The following COLEC10 variants were observed in gnomAD, a reference collection of about 807,000 sequenced individuals.
COLEC10 encodes the protein collectin-10.
COLEC10 carries 22 observed loss-of-function variants against 28.4 expected under a neutral mutation model. That is an observed-to-expected ratio of 0.78 (90% CI 0.55 to 1.11). COLEC10 has a LOEUF of 1.11. COLEC10 is among the 50% of genes least tolerant of loss of function. The pLI is 0.00. For missense variants in COLEC10, 361 were observed against 344.1 expected, an observed-to-expected ratio of 1.05 and a Z score of -0.39; for synonymous variants, 125 against 116.1, an observed-to-expected ratio of 1.08 and a Z score of -0.49.
In COLEC10 at chr8:119,089,763, G is replaced by T. The variant is rs760309008; in HGVS notation, c.220+12G>T. On this transcript the variant is annotated intron_variant, in intron 2 of 5. Coordinates refer to ENST00000332843, the MANE Select transcript of COLEC10 (RefSeq NM_006438.5). The stretch of plus-strand genomic sequence containing the variant: ...CATGGGGCCGAAAGGTAACTAAAAT[G>T]ATGTGAAACTGACATTTTAATATCA... 1.7e-5 allele frequency: 28 copies of T among 1,606,690 alleles called. No individual in the cohort carries two copies. Among genetic ancestry groups the T allele is most frequent in the Non-Finnish European group, 2.4e-5 (28 of 1,173,682 alleles).
At chr8:119,010,348 T>C (rs957703574) in intron 2 of COLEC10, among the ~76,000 whole-genome samples, 1 of 151,000 alleles carries the variant, frequency 6.6e-6, no homozygotes. Flanking sequence ...GATAGCTAAT[T>C]TTTTGGCACA....
At chr8:119,097,380 A>G (rs915910636) in intron 3 of COLEC10, among the ~76,000 whole-genome samples, 14 of 152,132 alleles carry the variant, frequency 9.2e-5, no homozygotes, top group African/African-American at 3.4e-4. Context: ...TTGTGGACAG[A>G]TAAAACAGCA....
chr8:118,999,105 T>C (rs1227734645), intron 1 of COLEC10, among the ~76,000 whole-genome samples: 4 of 152,164 alleles, frequency 2.6e-5, no homozygotes, highest in Admixed American at 2.6e-4. Flanking sequence ...ATGCAAGGTA[T>C]AGCTAAGACT....
In COLEC10 at chr8:119,107,400, G is replaced by C. The variant is rs1328427884; in HGVS notation, c.*1209G>C. Among the ~76,000 whole-genome samples the C allele has an allele frequency of 1.3e-5, 2 of 152,074 alleles. No homozygotes were observed. Among genetic ancestry groups the C allele is most frequent in the African/African-American group, 4.8e-5 (2 of 41,406 alleles). Reference sequence around the variant, plus strand: ...CAAACCTCAAAGCAGCTTTCACTTGGAATTTAAAAATAAACAGTTCAAAGA... The same window carrying C: ...CAAACCTCAAAGCAGCTTTCACTTGCAATTTAAAAATAAACAGTTCAAAGA... On this transcript the variant is annotated 3_prime_UTR_variant, in exon 6 of 6. Transcript: ENST00000332843.
chr8:119,084,826 T>C (rs1436874060), intron 1 of COLEC10, among the ~76,000 whole-genome samples: 3 of 152,096 alleles, frequency 2.0e-5, no homozygotes, highest in African/African-American at 4.8e-5. Context: ...CAGTAATGGG[T>C]TTTTATCTTT....
chr8:119,032,684 G>A (rs544552447), intron 2 of COLEC10, among the ~76,000 whole-genome samples: 1 of 152,124 alleles, frequency 6.6e-6, no homozygotes, highest in African/African-American at 2.4e-5. Context: ...GTCGGATCAC[G>A]AGGTCAGGAG....
At chr8:119,012,686 T>G (rs1338233781) in intron 2 of COLEC10, among the ~76,000 whole-genome samples, 1 of 150,722 alleles carries the variant, frequency 6.6e-6, no homozygotes, top group African/African-American at 2.5e-5. Flanking sequence ...TTTCTTCTTG[T>G]GTGAGTTTTG....
At chr8:118,982,953 A>T in the COLEC10 span, 1 of 152,150 alleles carries the variant, frequency 6.6e-6, no homozygotes, top group Non-Finnish European at 1.5e-5. Context: ...CCTCTGATTT[A>T]TTTAGCCAGC....
At chr8:119,069,374 C>T (rs2130223589) in intron 1 of COLEC10, among the ~76,000 whole-genome samples, 1 of 151,824 alleles carries the variant, frequency 6.6e-6, no homozygotes, top group South Asian at 2.1e-4. Flanking sequence ...GCAGGTGGAT[C>T]ACTTGAGTCC....
At chr8:118,976,900 C>T in the COLEC10 span, among the ~76,000 whole-genome samples, 1 of 151,756 alleles carries the variant, frequency 6.6e-6, no homozygotes, top group African/African-American at 2.4e-5. Context: ...AACAAATTTA[C>T]AAGAAAAAAA....
At chr8:119,018,281 C>G (rs1319633898) in intron 2 of COLEC10, among the ~76,000 whole-genome samples, 2 of 152,164 alleles carry the variant, frequency 1.3e-5, no homozygotes, top group East Asian at 3.8e-4. Flanking sequence ...CTAATCTGTT[C>G]TACTTCACTG....
At chr8:119,056,488 T>C (rs993318441) in intron 2 of COLEC10, among the ~76,000 whole-genome samples, 7 of 152,064 alleles carry the variant, frequency 4.6e-5, no homozygotes, top group African/African-American at 1.7e-4. Context: ...AATGTCTGAA[T>C]TGTAGCAGCC....
intron 1 of COLEC10, among the ~76,000 whole-genome samples, chr8:119,071,698 C>T (rs899054479): frequency 3.9e-5 from 6 of 152,074 alleles, no homozygotes; most frequent in African/African-American, 1.2e-4. Flanking sequence ...GCAAGCTTCC[C>T]GAATGGACAA....
At chr8:119,066,469 A>G (rs1178208923), upstream of COLEC10, among the ~76,000 whole-genome samples, 3 of 152,122 alleles carry the variant, frequency 2.0e-5, no homozygotes, top group Non-Finnish European at 2.9e-5. Flanking sequence ...CTTGCTGAAA[A>G]CACCATTTTA....
intron 3 of COLEC10, among the ~76,000 whole-genome samples, chr8:119,092,688 C>A (rs1563741656): frequency 6.6e-6 from 1 of 152,008 alleles, no homozygotes; most frequent in African/African-American, 2.4e-5. Flanking sequence ...GGTGGATCAC[C>A]TGAGGTCAGG....
intron 2 of COLEC10, among the ~76,000 whole-genome samples, chr8:119,019,712 A>G (rs1162297163): frequency 6.6e-6 from 1 of 152,046 alleles, no homozygotes; most frequent in Non-Finnish European, 1.5e-5. Context: ...TTGCATTTTT[A>G]ATGCATGCCC....
intron 2 of COLEC10, among the ~76,000 whole-genome samples, chr8:119,032,351 GA>G (rs1179418132): frequency 6.6e-6 from 1 of 152,182 alleles, no homozygotes; most frequent in Non-Finnish European, 1.5e-5. Context: ...TTCTGGTAGT[GA>G]TTCTGAGTGC....
chr8:119,029,714 T>A (rs996990163), intron 2 of COLEC10, among the ~76,000 whole-genome samples: 10 of 99,962 alleles, frequency 1.0e-4, no homozygotes, highest in African/African-American at 5.2e-4. Context: ...TTCAAGGAAC[T>A]TTTAATCTCA....
At chr8:119,084,775 TA>T (rs1173133545) in intron 1 of COLEC10, among the ~76,000 whole-genome samples, 1 of 152,098 alleles carries the variant, frequency 6.6e-6, no homozygotes, top group African/African-American at 2.4e-5. Flanking sequence ...ATAGCAAAAA[TA>T]AATACATGAA....
Sources: allele counts gnomAD v4.1 joint callset (sites outside exome capture counted in the v4.1 genomes callset), GRCh38; gene constraint gnomAD v4.1.1; transcripts MANE v1.5; gene names NCBI Gene and HGNC (gene_info 2026-07-23, HGNC 2026-07-21).